The following AP1S1 variants were observed in gnomAD, a reference collection of about 807,000 sequenced individuals.
The protein encoded by AP1S1 is adaptor related protein complex 1 subunit sigma 1.
A neutral mutation model predicts 23.9 loss-of-function variants in AP1S1; 13 were observed. The ratio of observed to expected loss-of-function variants is 0.54; its 90% CI spans 0.35 to 0.86. The LOEUF is 0.86. Ranked by LOEUF, AP1S1 falls within the 40% of genes least tolerant of loss-of-function variation. AP1S1 has a pLI of 0.01. For synonymous variants in AP1S1, 84 were observed against 77.7 expected, an observed-to-expected ratio of 1.08 and a Z score of -0.43; for missense variants, 119 against 197.6, an observed-to-expected ratio of 0.60 and a Z score of 2.38.
rs780306545 is a variant in AP1S1, at chr7:101,160,583, G to T, written c.*17G>T. On this transcript the variant is annotated 3_prime_UTR_variant, in exon 5 of 5. Transcript: ENST00000337619. ...TTGGCATAGCCCCTGCTGGGCCGGGGTGTGGCGATGGGGTCCTGGCAGCGT... is the reference window on the plus strand; with the variant it reads ...TTGGCATAGCCCCTGCTGGGCCGGGTTGTGGCGATGGGGTCCTGGCAGCGT... 3 of 1,610,084 alleles carry T rather than the reference G, an allele frequency of 1.9e-6. No homozygotes were observed. The highest frequency in any genetic ancestry group is 2.5e-6 in the Non-Finnish European group (3 of 1,179,762).
At chr7:101,159,984 G>A (rs78558757) in intron 4 of AP1S1, among the ~76,000 whole-genome samples, 79,072 of 140,558 alleles carry the variant, frequency 0.56, 21,936 homozygotes, top group Admixed American at 0.63. Flanking sequence ...ACACCCTGGC[G>A]CGCACACACA....
rs1584203729 is a variant in AP1S1 at position 101,157,251 on chromosome 7, C to T, written c.183-126C>T. 25 of 690,520 alleles carry T rather than the reference C, an allele frequency of 3.6e-5. No homozygotes were observed. In the East Asian group the frequency reaches 6.6e-4, roughly 18 times the overall value. The allele number at this position is 690,520 out of a possible 1,614,324, so 42.8% of individuals were successfully genotyped here. ...GCAGGTGAGTTACTCTTTACATGCC[C>T]TAGGGCCACCTCACCTGTGGCCAGC... is the stretch of plus-strand genomic sequence containing the variant. On this transcript the variant is annotated intron_variant, in intron 2 of 4. Transcript: ENST00000337619.
At chr7:101,154,596 C>T (rs1796960488) in intron 1 of AP1S1, 79 bp downstream of exon 1, 4 of 1,500,682 alleles carry the variant, frequency 2.7e-6, no homozygotes, top group East Asian at 2.7e-5. Flanking sequence ...GGGCCGCCCT[C>T]GGGGTGAACC....
chr7:101,158,219 T>C (rs1797025448), intron 3 of AP1S1, among the ~76,000 whole-genome samples: 2 of 152,188 alleles, frequency 1.3e-5, no homozygotes, highest in African/African-American at 4.8e-5. Flanking sequence ...GAGGGACAGC[T>C]CAGATCTTAG....
intron 1 of AP1S1, among the ~76,000 whole-genome samples, chr7:101,156,020 G>T (rs185188934): frequency 6.6e-6 from 1 of 152,014 alleles, no homozygotes; most frequent in South Asian, 2.1e-4. Context: ...ACCTGAGGTC[G>T]GGAGTTCGAG....
chr7:101,157,511 C>T (rs1209052669), intron 3 of AP1S1, 26 bp downstream of exon 3: 1 of 1,513,816 alleles, frequency 6.6e-7, no homozygotes, highest in South Asian at 1.2e-5. Flanking sequence ...CCACCAGTTT[C>T]CATTCCCAGC....
intron 2 of AP1S1, 111 bp from the exon 3 acceptor site, chr7:101,157,266 C>T: frequency 6.1e-6 from 5 of 813,716 alleles, no homozygotes; most frequent in Non-Finnish European, 9.9e-6. Context: ...GCCACCTCAC[C>T]TGTGGCCAGC....
intron 3 of AP1S1, among the ~76,000 whole-genome samples, chr7:101,158,398 A>C (rs1285846471): frequency 6.6e-6 from 1 of 152,158 alleles, no homozygotes; most frequent in African/African-American, 2.4e-5. Flanking sequence ...TTAGTGGCAG[A>C]GCCCTGCTTG....
Position 101,156,595 on chromosome 7 carries a change from T to C in AP1S1, c.5T>C (p.Met2Thr). MMRFMLLFSRQG... is the reference protein window; with the variant it reads MTRFMLLFSRQG... ...GTTCTGCCCTCCCATCCCCCACAGATGCGGTTCATGCTATTATTCAGCCGG... is the reference window on the plus strand; with the variant it reads ...GTTCTGCCCTCCCATCCCCCACAGACGCGGTTCATGCTATTATTCAGCCGG... The change falls in exon 2 of 5, where the codon ATG becomes ACG. Residue 2 changes from methionine (M) to threonine (T), a missense_variant and splice_region_variant. Transcript: ENST00000337619. The C allele has an allele frequency of 6.2e-7, 1 of 1,611,004 alleles. No individual in the cohort carries two copies. The highest frequency in any genetic ancestry group is 8.5e-7 in the Non-Finnish European group (1 of 1,178,592).
At chr7:101,160,006 A>ACACACACATGCCCTGGCACACACACC (rs147914700) in intron 4 of AP1S1, among the ~76,000 whole-genome samples, 2 of 147,426 alleles carry the variant, frequency 1.4e-5, no homozygotes, top group Admixed American at 6.9e-5. Context: ...ACACACACAC[A>ACACACACATGCCCTGGCACACACACC]CATGCCCTGG....
chr7:101,154,712 G>A (rs1180294543), intron 1 of AP1S1, 195 bp downstream of exon 1: 11 of 705,020 alleles, frequency 1.6e-5, no homozygotes, highest in Admixed American at 3.8e-5. Flanking sequence ...GGGGCGGGGA[G>A]GGGGCGCATT....
intron 1 of AP1S1, chr7:101,154,935 G>A: frequency 9.3e-7 from 1 of 1,070,626 alleles, no homozygotes; most frequent in South Asian, 3.5e-5. Context: ...CGGGGACCCG[G>A]GTGGGGAGAG....
intron 1 of AP1S1, among the ~76,000 whole-genome samples, chr7:101,155,231 T>C (rs1274120520): frequency 1.3e-5 from 2 of 151,912 alleles, no homozygotes; most frequent in Non-Finnish European, 2.9e-5. Context: ...AAAAATCAGT[T>C]CTCCTGAATT....
rs1346930388 is a variant in AP1S1, at chr7:101,159,044, TC to T, written c.292-11del. 2.5e-6 allele frequency: 4 copies of T among 1,611,856 alleles called. No individual in the cohort carries two copies. Among genetic ancestry groups the T allele is most frequent in the Non-Finnish European group, 2.5e-6 (3 of 1,178,946 alleles). On this transcript the variant is annotated splice_polypyrimidine_tract_variant and intron_variant, in intron 3 of 4. Coordinates refer to ENST00000337619, the MANE Select transcript of AP1S1 (RefSeq NM_001283.5). ...GCCCCTCCATGCTCAACTTAGCCTC[TC>T]CCCGCCCTCCCAGGTGTGCGAGCTG... is the stretch of plus-strand genomic sequence containing the variant.
intron 4 of AP1S1, among the ~76,000 whole-genome samples, chr7:101,159,986 GCACA>G (rs914455706): frequency 5.5e-5 from 8 of 144,390 alleles, no homozygotes; most frequent in Admixed American, 1.4e-4. Flanking sequence ...ACCCTGGCGC[GCACA>G]CACACACACA....
intron 1 of AP1S1, among the ~76,000 whole-genome samples, chr7:101,155,291 C>T (rs1191083788): frequency 6.6e-6 from 1 of 152,138 alleles, no homozygotes; most frequent in African/African-American, 2.4e-5. Flanking sequence ...CCAGGGATTC[C>T]AAGCCTGGGC....
intron 2 of AP1S1, 73 bp from the exon 3 acceptor site, chr7:101,157,304 G>A: frequency 1.6e-6 from 2 of 1,272,742 alleles, no homozygotes; most frequent in South Asian, 2.6e-5. Flanking sequence ...CCAGGCTGGT[G>A]AGAGGTTTGA....
chr7:101,154,573 C>CGGGGGTCCTCGGG, intron 1 of AP1S1, 56 bp downstream of exon 1: 1 of 1,490,164 alleles, frequency 6.7e-7, no homozygotes, highest in East Asian at 2.6e-5. Context: ...GCTGCACCTG[C>CGGGGGTCCTCGGG]GGGGGTCCTC....
At chr7:101,160,054 C>T (rs1584206491) in intron 4 of AP1S1, among the ~76,000 whole-genome samples, 1 of 118,488 alleles carries the variant, frequency 8.4e-6, no homozygotes, top group East Asian at 2.1e-4. Flanking sequence ...TGCGCTCAGA[C>T]CCTAATGACG....
Sources: allele counts gnomAD v4.1 joint callset (sites outside exome capture counted in the v4.1 genomes callset), GRCh38; gene constraint gnomAD v4.1.1; transcripts MANE v1.5; gene names NCBI Gene and HGNC (gene_info 2026-07-23, HGNC 2026-07-21).